The following ARHGAP32 variants were observed in gnomAD, a reference collection of about 807,000 sequenced individuals.
ARHGAP32 encodes Rho GTPase activating protein 32, also known as rho GTPase-activating protein 32.
A neutral mutation model predicts 186.5 loss-of-function variants in ARHGAP32; 51 were observed. The observed-to-expected ratio is 0.27, with a 90% CI of 0.22 to 0.35. ARHGAP32 has a LOEUF of 0.35. ARHGAP32 is among the 10% of genes least tolerant of loss of function. The pLI is 1.00. For synonymous variants in ARHGAP32, 950 were observed against 964.3 expected, an observed-to-expected ratio of 0.99 and a Z score of 0.27; for missense variants, 2,186 against 2,623.5, an observed-to-expected ratio of 0.83 and a Z score of 3.64.
chr11:129,133,562 T>G (rs368164058), intron 2 of ARHGAP32, among the ~76,000 whole-genome samples: 14 of 152,264 alleles, frequency 9.2e-5, no homozygotes, highest in African/African-American at 2.9e-4. Context: ...TAATAAGGAT[T>G]TAAATGACTG....
intron 12 of ARHGAP32, among the ~76,000 whole-genome samples, chr11:128,997,146 T>C (rs770304668): frequency 1.3e-5 from 2 of 152,230 alleles, no homozygotes; most frequent in Non-Finnish European, 2.9e-5. Context: ...TCCCATCCTA[T>C]TACTGATTTT....
chr11:129,278,658 C>T (rs1945565811), intron 1 of ARHGAP32, among the ~76,000 whole-genome samples: 1 of 152,106 alleles, frequency 6.6e-6, no homozygotes. Context: ...GGGGGGAACT[C>T]CACGGGAGCC....
chr11:129,193,582 T>A (rs1430490113), upstream of ARHGAP32, among the ~76,000 whole-genome samples: 1 of 52,076 alleles, frequency 1.9e-5, no homozygotes, highest in Non-Finnish European at 3.5e-5. Flanking sequence ...ATATATATAT[T>A]ATATAATATA....
At chr11:129,239,624 G>A (rs536208015) in intron 1 of ARHGAP32, among the ~76,000 whole-genome samples, 16 of 152,124 alleles carry the variant, frequency 1.1e-4, no homozygotes, top group African/African-American at 2.7e-4. Context: ...AAGAGCGTCC[G>A]AATTCCTTAG....
At chr11:129,263,571 GGAGAAGGAGGAA>G (rs1945352425) in intron 1 of ARHGAP32, among the ~76,000 whole-genome samples, 1 of 145,592 alleles carries the variant, frequency 6.9e-6, no homozygotes, top group Non-Finnish European at 1.5e-5. Flanking sequence ...AGGAGGAGGA[GGAGAAGGAGGAA>G]GAGGAGGAGA....
chr11:129,151,728 G>C (rs1349833671), intron 2 of ARHGAP32, among the ~76,000 whole-genome samples: 1 of 152,100 alleles, frequency 6.6e-6, no homozygotes, highest in African/African-American at 2.4e-5. Flanking sequence ...ACGGTGCAAA[G>C]AGAAAAGTTC....
chr11:129,097,905 A>G (rs928437624), intron 5 of ARHGAP32, among the ~76,000 whole-genome samples: 7 of 152,214 alleles, frequency 4.6e-5, no homozygotes, highest in Non-Finnish European at 7.3e-5. Context: ...ACAAGGAGGC[A>G]ATCTTGAAAG....
chr11:129,259,984 C>T (rs779979467), intron 1 of ARHGAP32, among the ~76,000 whole-genome samples: 1 of 152,142 alleles, frequency 6.6e-6, no homozygotes, highest in Non-Finnish European at 1.5e-5. Flanking sequence ...CATTCTCAAA[C>T]AATCCCTTGT....
chr11:129,029,915 T>C (rs760542671), intron 11 of ARHGAP32, among the ~76,000 whole-genome samples: 4 of 148,078 alleles, frequency 2.7e-5, no homozygotes, highest in Non-Finnish European at 5.9e-5. Context: ...GTTTAAACAA[T>C]GGAAATGTAA....
At chr11:129,246,000 C>G (rs1358405933) in intron 1 of ARHGAP32, among the ~76,000 whole-genome samples, 9 of 152,120 alleles carry the variant, frequency 5.9e-5, no homozygotes, top group Non-Finnish European at 1.2e-4. Flanking sequence ...TTGATTCATT[C>G]ATTTATTCAA....
At chr11:129,190,230 AT>A (rs1944244525) in intron 1 of ARHGAP32, among the ~76,000 whole-genome samples, 1 of 152,042 alleles carries the variant, frequency 6.6e-6, no homozygotes, top group South Asian at 2.1e-4. Flanking sequence ...CCATGCCTCC[AT>A]TTTCCTGTAG....
At chr11:129,161,134 A>G (rs1482398156) in intron 2 of ARHGAP32, among the ~76,000 whole-genome samples, 1 of 152,144 alleles carries the variant, frequency 6.6e-6, no homozygotes, top group Admixed American at 6.5e-5. Context: ...CCCTTCTTAC[A>G]CCTTATACAA....
intron 2 of ARHGAP32, among the ~76,000 whole-genome samples, chr11:129,154,467 T>C (rs1416924112): frequency 3.3e-5 from 5 of 152,042 alleles, no homozygotes. Flanking sequence ...ACAGCAAAAA[T>C]ATGGAAACAG....
chr11:129,181,643 A>C (rs555379968), intron 1 of ARHGAP32, among the ~76,000 whole-genome samples: 3 of 152,288 alleles, frequency 2.0e-5, no homozygotes, highest in Admixed American at 2.0e-4. Flanking sequence ...TAAAAAATAA[A>C]GAAACTAACC....
chr11:129,014,540 A>C lies in ARHGAP32; in HGVS notation c.1046-16072T>G, dbSNP rs191402146. 2.9e-4 allele frequency among the ~76,000 whole-genome samples: 44 copies of C among 152,352 alleles called. No individual in the cohort carries two copies. In the East Asian group the frequency reaches 8.1e-3, roughly 28 times the overall value. ...GTATAGGAAAATGGTCTGTCCCAAG[A>C]TAATGGCCTCAGCAGTAAGTTTATT... On this transcript the variant is annotated intron_variant, in intron 11 of 22. Transcript: ENST00000682385.
At chr11:129,141,160 T>C (rs571272225) in intron 2 of ARHGAP32, among the ~76,000 whole-genome samples, 1 of 152,320 alleles carries the variant, frequency 6.6e-6, no homozygotes, top group African/African-American at 2.4e-5. Flanking sequence ...TTAAAAATCA[T>C]ATTCCCAGAC....
At position 128,968,918 on chromosome 11, in the gene ARHGAP32, G is replaced by A. The variant is rs1211729526; in HGVS notation, c.6295C>T (p.His2099Tyr). Residue 2099 changes from histidine (H) to tyrosine (Y), a missense_variant, in exon 23 of 23, where the codon CAT becomes TAT. This residue lies in a region of ARHGAP32 where 1,502 missense variants were observed against 1,570.0 expected (regional missense o/e 0.96). Coordinates refer to ENST00000682385, the MANE Select transcript of ARHGAP32 (RefSeq NM_001378024.1). ...ATTGCTCGCAGGGCTCATTCTGCAT[G>A]GATCTGTGTTTCAGGATGCTGCAAG... ...LSLQHPETQI[H>Y]AE The A allele has an allele frequency of 6.6e-7, 1 of 1,526,536 alleles. No individual in the cohort carries two copies. The highest frequency in any genetic ancestry group is 1.4e-5 in the African/African-American group (1 of 73,062). 94.6% of individuals were successfully genotyped at this position (1,526,536 alleles called of 1,614,324 possible).
intron 5 of ARHGAP32, among the ~76,000 whole-genome samples, chr11:129,100,346 C>A (rs1258917362): frequency 6.6e-6 from 1 of 152,194 alleles, no homozygotes; most frequent in African/African-American, 2.4e-5. Context: ...CCTGGCCACA[C>A]ATGCTTGCAG....
intron 1 of ARHGAP32, among the ~76,000 whole-genome samples, chr11:129,219,608 A>G (rs1000344057): frequency 1.3e-5 from 2 of 152,170 alleles, no homozygotes; most frequent in African/African-American, 4.8e-5. Context: ...AGCTGGTCAT[A>G]GTCTCTATTT....
Sources: gnomAD v4.1 joint callset for allele counts (sites outside exome capture counted in the v4.1 genomes callset) on GRCh38, gnomAD v4.1.1 for gene constraint, gnomAD v4.1.1 regional missense constraint, MANE v1.5 for transcripts, NCBI Gene and HGNC (gene_info 2026-07-23, HGNC 2026-07-21) for gene names.